INTS9: variants seen among roughly 807,000 people sequenced by gnomAD.
INTS9 encodes protein related to CPSF subunits of 74 kDa.
Under a neutral mutation model 79.7 loss-of-function variants are expected in INTS9, and 55 were observed. That is an observed-to-expected ratio of 0.69 (90% CI 0.56 to 0.86). The LOEUF (loss-of-function observed/expected upper bound fraction) is 0.86, where lower values mean the gene tolerates loss of function less well. INTS9 is among the 40% of genes least tolerant of loss of function. The probability of loss-of-function intolerance (pLI) is 0.00; values close to 1 mark genes in which losing one functional copy is unlikely to be tolerated. For synonymous variants in INTS9, 319 were observed against 325.2 expected (o/e 0.98, Z 0.20); for missense variants, 721 against 831.5 (o/e 0.87, Z 1.64).
At chr8:28,774,103 A>AT (rs1427880901) in intron 14 of INTS9, among the ~76,000 whole-genome samples, 1 of 152,156 alleles carries the variant, frequency 6.6e-6, no homozygotes, top group Non-Finnish European at 1.5e-5. Context: ...GTGAGCTACC[A>AT]TGCCTGGCTG....
Position 28,847,684 on chromosome 8 carries a change from A to G in INTS9, c.199-875T>C, listed in dbSNP as rs142052225. Among the ~76,000 whole-genome samples the G allele has an allele frequency of 3.3e-3, 505 of 152,314 alleles. 3 individuals are homozygous for G. Among genetic ancestry groups the G allele is most frequent in the African/African-American group, 0.011 (478 of 41,574 alleles). ...ACCCATGACTCACCAAATTTAATAA[A>G]CCTGTCTTTCCCCCACAGGCTGACC... On this transcript the variant is annotated intron_variant, in intron 3 of 16. Transcript: ENST00000521022.
chr8:28,794,868 C>A (rs1371011769), intron 9 of INTS9, among the ~76,000 whole-genome samples: 1 of 152,080 alleles, frequency 6.6e-6, no homozygotes, highest in Non-Finnish European at 1.5e-5. Context: ...TTAGTGGACC[C>A]CACTTTGGGA....
At chr8:28,866,262 T>A (rs911155336) in intron 1 of INTS9, among the ~76,000 whole-genome samples, 9 of 152,206 alleles carry the variant, frequency 5.9e-5, no homozygotes, top group African/African-American at 2.2e-4. Flanking sequence ...TAACTCATGG[T>A]GGATTTCAGA....
chr8:28,826,837 G>A (rs931291664), intron 6 of INTS9, among the ~76,000 whole-genome samples: 3 of 152,090 alleles, frequency 2.0e-5, no homozygotes, highest in Non-Finnish European at 4.4e-5. Flanking sequence ...ACTTTTTTGG[G>A]CATTTTTCTA....
intron 2 of INTS9, among the ~76,000 whole-genome samples, chr8:28,851,763 T>C (rs535486869): frequency 3.0e-4 from 46 of 152,066 alleles, no homozygotes; most frequent in Non-Finnish European, 5.7e-4. Context: ...TTTTAATTAT[T>C]AGGTTGGTGC....
intron 1 of INTS9, among the ~76,000 whole-genome samples, chr8:28,868,910 C>T (rs1808914786): frequency 1.3e-5 from 2 of 152,042 alleles, no homozygotes; most frequent in Admixed American, 6.5e-5. Context: ...ACCAGCCTGG[C>T]CAACATGGCG....
intron 10 of INTS9, 36 bp from the exon 11 acceptor site, chr8:28,787,925 A>G (rs749395089): frequency 5.0e-5 from 75 of 1,507,378 alleles, no homozygotes; most frequent in Non-Finnish European, 6.8e-5. Flanking sequence ...CATGTGAGGA[A>G]GAGCATACGG....
chr8:28,802,778 A>T (rs773704845), intron 8 of INTS9, among the ~76,000 whole-genome samples: 3 of 152,126 alleles, frequency 2.0e-5, no homozygotes, highest in Non-Finnish European at 2.9e-5. Flanking sequence ...TTCAAATCTT[A>T]GCCTGGTAAG....
chr8:28,775,755 T>A lies in INTS9; in HGVS notation c.1563+4A>T. On this transcript the variant is annotated splice_donor_region_variant and intron_variant, in intron 14 of 16. Coordinates refer to ENST00000521022, the MANE Select transcript of INTS9 (RefSeq NM_018250.4). ...GTTTAACCCTAGGAAGGAGAACAGC[T>A]CACCTCTGGCATGATCTCGATCTTC... 6.2e-7 allele frequency: 1 copy of A among 1,613,970 alleles called. No individual in the cohort carries two copies. Among genetic ancestry groups the A allele is most frequent in the East Asian group, 2.2e-5 (1 of 44,866 alleles).
intron 6 of INTS9, 56 bp from the exon 7 acceptor site, chr8:28,813,668 C>T: frequency 6.3e-7 from 1 of 1,589,432 alleles, no homozygotes; most frequent in East Asian, 2.2e-5. Flanking sequence ...TGTTCTACAG[C>T]ATTCCTTTCT....
At chr8:28,803,609 G>A (rs1804642525) in intron 8 of INTS9, among the ~76,000 whole-genome samples, 1 of 152,028 alleles carries the variant, frequency 6.6e-6, no homozygotes, top group South Asian at 2.1e-4. Context: ...GTATATCCAC[G>A]CGACAGACCA....
At chr8:28,844,740 C>T (rs1286956529) in intron 4 of INTS9, among the ~76,000 whole-genome samples, 1 of 151,960 alleles carries the variant, frequency 6.6e-6, no homozygotes. Flanking sequence ...TGCTTGAACC[C>T]AGGAGGCTGA....
intron 2 of INTS9, among the ~76,000 whole-genome samples, chr8:28,852,985 A>C (rs112230008): frequency 3.9e-5 from 6 of 152,266 alleles, no homozygotes; most frequent in South Asian, 2.1e-4. Context: ...CTGTGTTCCA[A>C]TGAGTTATCA....
At chr8:28,887,366 G>A (rs535303487) in intron 1 of INTS9, among the ~76,000 whole-genome samples, 1 of 152,288 alleles carries the variant, frequency 6.6e-6, no homozygotes, top group African/African-American at 2.4e-5. Flanking sequence ...GACCAGATAA[G>A]GGGTCTTGTT....
At chr8:28,809,044 G>T (rs180932210) in intron 8 of INTS9, among the ~76,000 whole-genome samples, 2 of 151,838 alleles carry the variant, frequency 1.3e-5, no homozygotes, top group African/African-American at 4.8e-5. Context: ...CAACCTCCCA[G>T]GCTGAAGAAA....
At chr8:28,790,004 C>T (rs998691095) in intron 10 of INTS9, among the ~76,000 whole-genome samples, 3 of 152,202 alleles carry the variant, frequency 2.0e-5, no homozygotes, top group African/African-American at 7.2e-5. Flanking sequence ...CCAACCCAAA[C>T]AACCAAGCCC....
intron 1 of INTS9, among the ~76,000 whole-genome samples, chr8:28,877,926 T>C (rs1809483771): frequency 6.6e-6 from 1 of 152,186 alleles, no homozygotes; most frequent in Non-Finnish European, 1.5e-5. Context: ...CAAAGGGTGT[T>C]AGAAATATTT....
chr8:28,861,799 TTAAAGGCCAAAGGC>T (rs1808475764), intron 1 of INTS9, among the ~76,000 whole-genome samples: 2 of 152,266 alleles, frequency 1.3e-5, no homozygotes, highest in Non-Finnish European at 2.9e-5. Context: ...GTTACTGTCC[TTAAAGGCCAAAGGC>T]CAAAGGCCAA....
intron 8 of INTS9, chr8:28,798,142 T>G (rs1804324380): frequency 6.6e-6 from 1 of 152,268 alleles, no homozygotes; most frequent in African/African-American, 2.4e-5. Flanking sequence ...GTAAGAGCTT[T>G]TTCTCTGCTT....
Sources: allele counts gnomAD v4.1 joint callset (sites outside exome capture counted in the v4.1 genomes callset), GRCh38; gene constraint gnomAD v4.1.1; transcripts MANE v1.5; gene names NCBI Gene and HGNC (gene_info 2026-07-23, HGNC 2026-07-21).